SLC24A2: variants seen among roughly 807,000 people sequenced by gnomAD.
The protein encoded by SLC24A2 is solute carrier family 24 member 2.
A neutral mutation model predicts 62.0 loss-of-function variants in SLC24A2; 36 were observed. That is an observed-to-expected ratio of 0.58 (90% CI 0.44 to 0.77). SLC24A2 has a LOEUF of 0.77. Among genes scored for constraint, SLC24A2 ranks in the 30% least tolerant of loss-of-function variants. The probability of loss-of-function intolerance (pLI) is 0.00; values close to 1 mark genes in which losing one functional copy is unlikely to be tolerated. For synonymous variants in SLC24A2, 358 were observed against 294.0 expected (o/e 1.22, Z -2.23); for missense variants, 846 against 817.9 (o/e 1.03, Z -0.42).
intron 2 of SLC24A2, among the ~76,000 whole-genome samples, chr9:19,660,324 A>G (rs1819059435): frequency 6.6e-6 from 1 of 152,120 alleles, no homozygotes; most frequent in Non-Finnish European, 1.5e-5. Context: ...CTTAACTCTT[A>G]TGTCTCAGTG....
chr9:20,233,052 A>G, the SLC24A2 span, among the ~76,000 whole-genome samples: 71 of 152,094 alleles, frequency 4.7e-4, no homozygotes, highest in African/African-American at 1.7e-3. Context: ...GAGTTTCTTA[A>G]TCCTGAGTTC....
At chr9:19,746,108 CT>C (rs548736762) in intron 2 of SLC24A2, among the ~76,000 whole-genome samples, 172 of 145,910 alleles carry the variant, frequency 1.2e-3, no homozygotes, top group Admixed American at 1.9e-3. Flanking sequence ...TTTTTTCTCT[CT>C]TTTTTTTTTT....
In SLC24A2 at chr9:19,789,022, G is replaced by A. The variant is rs1028582275; in HGVS notation, c.-291C>T. On this transcript the variant is annotated 5_prime_UTR_variant, in exon 1 of 11. Transcript: ENST00000341998. ...GCTGCCGCTCTCGCCAGCCGGGCTGGGTTCGGGAGGAGACTGAGCCGCTGT... is the reference window on the plus strand; with the variant it reads ...GCTGCCGCTCTCGCCAGCCGGGCTGAGTTCGGGAGGAGACTGAGCCGCTGT... The A allele has an allele frequency of 4.5e-6, 4 of 896,460 alleles. No individual in the cohort carries two copies. The African/African-American group carries it at 7.2e-5, about 16-fold the overall frequency. The allele number at this position is 896,460 out of a possible 1,614,324, so 55.5% of individuals were successfully genotyped here. A position where few individuals can be genotyped will look rare whatever the true frequency, so the allele number is the denominator to read the frequency against.
At chr9:20,049,859 A>G in the SLC24A2 span, among the ~76,000 whole-genome samples, 387 of 152,190 alleles carry the variant, frequency 2.5e-3, 9 homozygotes, top group East Asian at 0.062. Context: ...AGTTAGCACA[A>G]TGGAACAGAC....
At chr9:19,669,638 G>C (rs1379495280) in intron 2 of SLC24A2, among the ~76,000 whole-genome samples, 1 of 152,078 alleles carries the variant, frequency 6.6e-6, no homozygotes, top group Non-Finnish European at 1.5e-5. Context: ...GCTTCTAGGG[G>C]TTACCCACAT....
At chr9:19,940,802 A>G in the SLC24A2 span, among the ~76,000 whole-genome samples, 1 of 152,314 alleles carries the variant, frequency 6.6e-6, no homozygotes, top group African/African-American at 2.4e-5. Flanking sequence ...GCACAGTTCA[A>G]AGCACTGCTG....
chr9:19,625,630 A>C (rs1587056724), intron 2 of SLC24A2, among the ~76,000 whole-genome samples: 1 of 152,240 alleles, frequency 6.6e-6, no homozygotes, highest in East Asian at 1.9e-4. Flanking sequence ...GAGCAACTGG[A>C]AGATGACTTT....
At chr9:19,775,661 T>A (rs1822824852) in intron 2 of SLC24A2, among the ~76,000 whole-genome samples, 1 of 152,136 alleles carries the variant, frequency 6.6e-6, no homozygotes. Flanking sequence ...CTAAATAAAT[T>A]AATTACTAAA....
chr9:19,708,996 A>T (rs1275977523), intron 2 of SLC24A2, among the ~76,000 whole-genome samples: 1 of 152,168 alleles, frequency 6.6e-6, no homozygotes, highest in Non-Finnish European at 1.5e-5. Flanking sequence ...AAATTTTCGC[A>T]ACCTACTCAT....
the SLC24A2 span, among the ~76,000 whole-genome samples, chr9:20,148,923 A>G: frequency 5.3e-5 from 8 of 152,248 alleles, no homozygotes; most frequent in South Asian, 8.3e-4. Flanking sequence ...TTTTTTAAAA[A>G]TCACAGTTGT....
At chr9:19,641,071 G>A (rs1307849644) in intron 2 of SLC24A2, among the ~76,000 whole-genome samples, 1 of 152,316 alleles carries the variant, frequency 6.6e-6, no homozygotes, top group South Asian at 2.1e-4. Context: ...AGGCTGATGC[G>A]TCAGTCTAGT....
At chr9:20,245,811 AC>A in the SLC24A2 span, among the ~76,000 whole-genome samples, 3 of 152,192 alleles carry the variant, frequency 2.0e-5, no homozygotes, top group Non-Finnish European at 4.4e-5. Context: ...ATAGTAGCTA[AC>A]TTTTACTGTG....
At chr9:20,169,165 A>C in the SLC24A2 span, among the ~76,000 whole-genome samples, 1 of 152,058 alleles carries the variant, frequency 6.6e-6, no homozygotes, top group Non-Finnish European at 1.5e-5. Context: ...ATAGATAGAC[A>C]AAGTAGAATT....
chr9:20,286,828 G>A, the SLC24A2 span, among the ~76,000 whole-genome samples: 914 of 152,292 alleles, frequency 6.0e-3, 14 homozygotes, highest in African/African-American at 0.021. Flanking sequence ...AGAGGAGGCC[G>A]AGAAAGGATG....
the SLC24A2 span, among the ~76,000 whole-genome samples, chr9:20,253,273 T>C: frequency 6.6e-6 from 1 of 152,146 alleles, no homozygotes; most frequent in African/African-American, 2.4e-5. Flanking sequence ...AAAATATGAA[T>C]ATTAGCTCCA....
the SLC24A2 span, among the ~76,000 whole-genome samples, chr9:19,915,313 T>A: frequency 6.6e-6 from 1 of 152,172 alleles, no homozygotes; most frequent in South Asian, 2.1e-4. Flanking sequence ...ATATACCACA[T>A]TTTGTTTATC....
At chr9:19,775,142 T>G (rs1343800808) in intron 2 of SLC24A2, among the ~76,000 whole-genome samples, 5 of 152,206 alleles carry the variant, frequency 3.3e-5, no homozygotes, top group Non-Finnish European at 5.9e-5. Flanking sequence ...AAATATGGCC[T>G]GGCGCCCAGA....
At chr9:19,964,286 G>C in the SLC24A2 span, among the ~76,000 whole-genome samples, 1 of 151,184 alleles carries the variant, frequency 6.6e-6, no homozygotes, top group South Asian at 2.1e-4. Context: ...GAGTTAATGG[G>C]TGCAGCACAC....
At chr9:19,861,433 C>T in the SLC24A2 span, among the ~76,000 whole-genome samples, 14 of 152,272 alleles carry the variant, frequency 9.2e-5, no homozygotes, top group South Asian at 2.9e-3. Flanking sequence ...TGCCCAAGTC[C>T]TTTCAAATAT....
Sources: gnomAD v4.1 joint callset for allele counts (sites outside exome capture counted in the v4.1 genomes callset) on GRCh38, gnomAD v4.1.1 for gene constraint, MANE v1.5 for transcripts, NCBI Gene and HGNC (gene_info 2026-07-23, HGNC 2026-07-21) for gene names.